KCNIP1: variants seen among roughly 807,000 people sequenced by gnomAD.
The protein encoded by KCNIP1 is A-type potassium channel modulatory protein KCNIP1.
A neutral mutation model predicts 33.0 loss-of-function variants in KCNIP1; 18 were observed. The observed-to-expected ratio is 0.55, with a 90% CI of 0.38 to 0.81. KCNIP1 has a LOEUF of 0.81. Among genes scored for constraint, KCNIP1 ranks in the 30% least tolerant of loss-of-function variants. KCNIP1 has a pLI of 0.00. For missense variants in KCNIP1, 238 were observed against 271.6 expected, an observed-to-expected ratio of 0.88 and a Z score of 0.87; for synonymous variants, 93 against 98.3, an observed-to-expected ratio of 0.95 and a Z score of 0.32.
intron 1 of KCNIP1, among the ~76,000 whole-genome samples, chr5:170,584,453 A>G (rs1035868620): frequency 6.6e-6 from 1 of 152,208 alleles, no homozygotes; most frequent in Non-Finnish European, 1.5e-5. Context: ...GAACTTGGAA[A>G]AGCTTACAAT....
chr5:170,549,983 T>C (rs1397010679), intron 1 of KCNIP1, among the ~76,000 whole-genome samples: 2 of 149,652 alleles, frequency 1.3e-5, no homozygotes, highest in Non-Finnish European at 2.9e-5. Flanking sequence ...CCACTTTGAG[T>C]ATACATCGGT....
chr5:170,410,820 G>A (rs1174478139), intron 1 of KCNIP1, among the ~76,000 whole-genome samples: 1 of 152,184 alleles, frequency 6.6e-6, no homozygotes, highest in Non-Finnish European at 1.5e-5. Context: ...GAGTTGTGAG[G>A]TTGGCTCAGT....
intron 1 of KCNIP1, among the ~76,000 whole-genome samples, chr5:170,540,117 G>T (rs890784681): frequency 3.3e-5 from 5 of 152,110 alleles, no homozygotes; most frequent in African/African-American, 7.2e-5. Flanking sequence ...GTAAAGTAAG[G>T]CTCCCAGTAT....
chr5:170,540,146 A>G (rs189401958), intron 1 of KCNIP1, among the ~76,000 whole-genome samples: 115 of 152,220 alleles, frequency 7.6e-4, no homozygotes, highest in African/African-American at 2.6e-3. Context: ...TTCCTTCTAG[A>G]TTCCAGGGAA....
chr5:170,371,434 AC>A (rs1763840844), intron 1 of KCNIP1, among the ~76,000 whole-genome samples: 1 of 152,130 alleles, frequency 6.6e-6, no homozygotes, highest in South Asian at 2.1e-4. Context: ...GTTGACCTTG[AC>A]CTGCTTGGCA....
chr5:170,386,868 C>T (rs1764495678), intron 1 of KCNIP1, among the ~76,000 whole-genome samples: 1 of 152,004 alleles, frequency 6.6e-6, no homozygotes, highest in South Asian at 2.1e-4. Context: ...GCAGCAACTC[C>T]TTGTTTTTCC....
chr5:170,688,776 G>A (rs1403742860), intron 1 of KCNIP1, among the ~76,000 whole-genome samples: 2 of 152,112 alleles, frequency 1.3e-5, no homozygotes, highest in African/African-American at 4.8e-5. Flanking sequence ...TTTTCCATGG[G>A]AACAAAGATC....
intron 1 of KCNIP1, among the ~76,000 whole-genome samples, chr5:170,475,092 G>C (rs1030229406): frequency 3.3e-5 from 5 of 152,136 alleles, no homozygotes; most frequent in African/African-American, 1.2e-4. Context: ...ACAGAGTGCT[G>C]ATTGGTGCAT....
rs920234279 is a variant in KCNIP1, at chr5:170,701,446, G to A, written c.62-17312G>A. The stretch of plus-strand genomic sequence containing the variant: ...CCATCAAAGCGTCACTCCAGGCTTA[G>A]CGGTTGCCACCCACCACTCGTCAGA... On this transcript the variant is annotated intron_variant, in intron 1 of 7. Coordinates refer to ENST00000328939, the MANE Select transcript of KCNIP1 (RefSeq NM_014592.4). Among the ~76,000 whole-genome samples, 3 of 152,178 alleles carry A rather than the reference G, an allele frequency of 2.0e-5. No homozygotes were observed. In the East Asian group the frequency reaches 5.8e-4, roughly 29 times the overall value.
chr5:170,687,424 C>T (rs549644873), intron 1 of KCNIP1, among the ~76,000 whole-genome samples: 11 of 152,252 alleles, frequency 7.2e-5, no homozygotes, highest in Middle Eastern at 3.4e-3. Flanking sequence ...TTGTGATCCA[C>T]GCACTTCGGC....
intron 1 of KCNIP1, among the ~76,000 whole-genome samples, chr5:170,360,786 C>A (rs1410819219): frequency 2.0e-5 from 3 of 152,194 alleles, no homozygotes; most frequent in Non-Finnish European, 2.9e-5. Flanking sequence ...ACGTTCACCA[C>A]GTGGGAATCA....
At chr5:170,706,550 T>G (rs777053840) in intron 1 of KCNIP1, among the ~76,000 whole-genome samples, 2 of 152,192 alleles carry the variant, frequency 1.3e-5, no homozygotes, top group African/African-American at 2.4e-5. Context: ...ACTTAGCAAG[T>G]TCCCAAATTA....
At chr5:170,434,449 C>A (rs1273558979) in intron 1 of KCNIP1, among the ~76,000 whole-genome samples, 1 of 152,106 alleles carries the variant, frequency 6.6e-6, no homozygotes, top group Non-Finnish European at 1.5e-5. Flanking sequence ...CGGGTGGCAT[C>A]CTGGATAGGG....
intron 1 of KCNIP1, among the ~76,000 whole-genome samples, chr5:170,717,390 T>C (rs1763676074): frequency 6.6e-6 from 1 of 152,142 alleles, no homozygotes. Flanking sequence ...TCTGGGGAAA[T>C]TGGCCACTTG....
chr5:170,478,807 G>A (rs886357154), intron 1 of KCNIP1, among the ~76,000 whole-genome samples: 1 of 152,052 alleles, frequency 6.6e-6, no homozygotes, highest in Non-Finnish European at 1.5e-5. Context: ...GATGCTTAGG[G>A]TGAATAAAAA....
intron 1 of KCNIP1, among the ~76,000 whole-genome samples, chr5:170,398,515 CTCTT>C (rs1347841410): frequency 1.3e-5 from 2 of 152,234 alleles, no homozygotes; most frequent in African/African-American, 4.8e-5. Flanking sequence ...TAGGTGAAAA[CTCTT>C]TCATCTGTTT....
At chr5:170,448,899 G>A (rs760881352) in intron 1 of KCNIP1, among the ~76,000 whole-genome samples, 10 of 152,120 alleles carry the variant, frequency 6.6e-5, no homozygotes, top group South Asian at 4.1e-4. Flanking sequence ...AATTGTTCCC[G>A]TATTACAGAT....
intron 1 of KCNIP1, among the ~76,000 whole-genome samples, chr5:170,373,812 G>A (rs763240788): frequency 6.6e-6 from 1 of 152,192 alleles, no homozygotes; most frequent in East Asian, 1.9e-4. Context: ...GGCAAATAAT[G>A]TCTTAGTATT....
chr5:170,529,101 T>C (rs1163302791), intron 1 of KCNIP1, among the ~76,000 whole-genome samples: 1 of 152,226 alleles, frequency 6.6e-6, no homozygotes, highest in Admixed American at 6.5e-5. Flanking sequence ...TTGGTTCATG[T>C]AATAAAATGG....
Sources: gnomAD v4.1 joint callset for allele counts (sites outside exome capture counted in the v4.1 genomes callset) on GRCh38, gnomAD v4.1.1 for gene constraint, MANE v1.5 for transcripts, NCBI Gene and HGNC (gene_info 2026-07-23, HGNC 2026-07-21) for gene names.